Variants in HIBADH observed in about 807,000 individuals in gnomAD.
HIBADH encodes the protein 3-hydroxyisobutyrate dehydrogenase, mitochondrial.
In HIBADH, 25 loss-of-function variants were observed where a neutral mutation model predicts 36.1. That is an observed-to-expected ratio of 0.69 (90% CI 0.50 to 0.97). HIBADH has a LOEUF of 0.97. HIBADH is among the 50% of genes least tolerant of loss of function. The pLI is 0.00. For synonymous variants in HIBADH, 160 were observed against 149.5 expected (o/e 1.07, Z -0.51); for missense variants, 421 against 418.0 (o/e 1.01, Z -0.06).
chr7:27,632,580 C>CAA (rs143191859), intron 2 of HIBADH, 135 bp from the exon 3 acceptor site: 203 of 201,934 alleles, frequency 1.0e-3, no homozygotes, highest in South Asian at 1.1e-3. Flanking sequence ...TGCAAATGAC[C>CAA]AAAAAAAAAA....
At chr7:27,581,141 A>T (rs1221217882) in intron 4 of HIBADH, among the ~76,000 whole-genome samples, 2 of 152,204 alleles carry the variant, frequency 1.3e-5, no homozygotes, top group Non-Finnish European at 2.9e-5. Context: ...GGGAACTGTC[A>T]AGCAGCCCTA....
At chr7:27,540,419 A>G (rs1211395548) in intron 5 of HIBADH, among the ~76,000 whole-genome samples, 1 of 152,152 alleles carries the variant, frequency 6.6e-6, no homozygotes, top group African/African-American at 2.4e-5. Context: ...ATATCTTGAA[A>G]GCCTTCATAC....
chr7:27,573,764 G>C (rs1482193852), intron 4 of HIBADH, among the ~76,000 whole-genome samples: 1 of 152,150 alleles, frequency 6.6e-6, no homozygotes, highest in Non-Finnish European at 1.5e-5. Context: ...TTCACATTCA[G>C]ATGTGCTTTA....
At chr7:27,645,547 T>A (rs1388576380) in intron 2 of HIBADH, among the ~76,000 whole-genome samples, 1 of 151,560 alleles carries the variant, frequency 6.6e-6, no homozygotes, top group Non-Finnish European at 1.5e-5. Flanking sequence ...CTTGGCTAAT[T>A]TTTTTTGCAT....
At chr7:27,619,119 C>T (rs541586744) in intron 4 of HIBADH, among the ~76,000 whole-genome samples, 41 of 152,256 alleles carry the variant, frequency 2.7e-4, no homozygotes, top group Non-Finnish European at 3.8e-4. Context: ...ACCTGGCTTC[C>T]CAGTCCACAC....
chr7:27,652,859 C>A (rs532176217), intron 1 of HIBADH, among the ~76,000 whole-genome samples: 2 of 152,120 alleles, frequency 1.3e-5, no homozygotes, highest in Non-Finnish European at 2.9e-5. Flanking sequence ...CCAGGCGCAG[C>A]GGCTCACGCC....
chr7:27,629,292 A>T, intron 4 of HIBADH, 79 bp downstream of exon 4: 1 of 1,405,256 alleles, frequency 7.1e-7, no homozygotes, highest in East Asian at 2.4e-5. Flanking sequence ...CTACTACAAA[A>T]CCATATGGTA....
At chr7:27,541,687 G>A (rs1221219087) in intron 5 of HIBADH, 4 of 398,028 alleles carry the variant, frequency 1.0e-5, no homozygotes, top group East Asian at 1.9e-4. Flanking sequence ...CTTCTTAGGA[G>A]CACTTCCAGC....
At chr7:27,582,958 T>A (rs1475144959) in intron 4 of HIBADH, among the ~76,000 whole-genome samples, 1 of 152,094 alleles carries the variant, frequency 6.6e-6, no homozygotes, top group Non-Finnish European at 1.5e-5. Context: ...GAGGATTAAA[T>A]GAGATGATGT....
chr7:27,534,414 T>G (rs1784044173), intron 6 of HIBADH, among the ~76,000 whole-genome samples: 1 of 152,130 alleles, frequency 6.6e-6, no homozygotes, highest in Admixed American at 6.5e-5. Flanking sequence ...TATATCCAAG[T>G]GCTACACGTG....
At chr7:27,611,204 C>T (rs375893678) in intron 4 of HIBADH, among the ~76,000 whole-genome samples, 13 of 152,112 alleles carry the variant, frequency 8.5e-5, no homozygotes, top group African/African-American at 7.2e-5. Flanking sequence ...ATCAATGAGG[C>T]GTGCCAACAT....
chr7:27,583,719 A>C (rs1010972193), intron 4 of HIBADH, among the ~76,000 whole-genome samples: 8 of 152,090 alleles, frequency 5.3e-5, no homozygotes, highest in Admixed American at 3.9e-4. Flanking sequence ...GTGGTTCTTA[A>C]ACTTTTTGGT....
chr7:27,630,352 G>C lies in HIBADH; in HGVS notation c.363-860C>G, dbSNP rs183958121. ...GATGGGATCTCACCATGTTGTCCAG[G>C]CTGATCTTGAACTCCTGGGCTCAAC... On this transcript the variant is annotated intron_variant, in intron 3 of 7. Coordinates refer to ENST00000265395, the MANE Select transcript of HIBADH (RefSeq NM_152740.4). Among the ~76,000 whole-genome samples, 793 of 152,120 alleles carry C rather than the reference G, an allele frequency of 5.2e-3. 6 individuals are homozygous for C. Among genetic ancestry groups the C allele is most frequent in the Middle Eastern group, 0.017 (5 of 294 alleles).
intron 4 of HIBADH, among the ~76,000 whole-genome samples, chr7:27,581,769 T>TA (rs1784795558): frequency 6.6e-6 from 1 of 151,904 alleles, no homozygotes; most frequent in Non-Finnish European, 1.5e-5. Context: ...CTTCAGCACT[T>TA]AAAGACCACC....
chr7:27,588,910 C>A (rs1784902019), intron 4 of HIBADH, among the ~76,000 whole-genome samples: 1 of 152,132 alleles, frequency 6.6e-6, no homozygotes, highest in African/African-American at 2.4e-5. Context: ...TCATTTGTAA[C>A]CACTTTTTAA....
chr7:27,528,229 C>G (rs1783940586), intron 7 of HIBADH, among the ~76,000 whole-genome samples: 1 of 152,026 alleles, frequency 6.6e-6, no homozygotes, highest in Non-Finnish European at 1.5e-5. Context: ...TTCCCTGAGA[C>G]ACAAAATATT....
chr7:27,623,627 A>G (rs903283231), intron 4 of HIBADH, among the ~76,000 whole-genome samples: 1 of 152,234 alleles, frequency 6.6e-6, no homozygotes, highest in Non-Finnish European at 1.5e-5. Flanking sequence ...CGAGAAGAAC[A>G]TCAAGAAAGC....
rs952759711 is a variant in HIBADH at position 27,661,980 on chromosome 7, T to G, written c.91+718A>C. 3.9e-5 allele frequency among the ~76,000 whole-genome samples: 6 copies of G among 152,318 alleles called. No individual in the cohort carries two copies. The East Asian group carries it at 1.2e-3, about 29-fold the overall frequency. On this transcript the variant is annotated intron_variant, in intron 1 of 7. Coordinates refer to ENST00000265395, the MANE Select transcript of HIBADH (RefSeq NM_152740.4). ...GGATCTTCATCCTGGCTCTAAAAAC[T>G]GCCTCTTTGTAAGTTCATGGCTAGC... is the stretch of plus-strand genomic sequence containing the variant.
At position 27,531,388 on chromosome 7, in the gene HIBADH, T is replaced by C. The variant is rs761835175; in HGVS notation, c.696-40A>G. On this transcript the variant is annotated intron_variant, in intron 6 of 7. Coordinates refer to ENST00000265395, the MANE Select transcript of HIBADH (RefSeq NM_152740.4). ...AGAAAAGAAGTGTTAAGTGTCAAAA[T>C]GTACACGTCGTGCGTGACTTATTTA... The C allele has an allele frequency of 4.4e-6, 7 of 1,573,498 alleles. No homozygotes were observed. The South Asian group carries it at 8.1e-5, about 18-fold the overall frequency.
Sources: allele counts gnomAD v4.1 joint callset (sites outside exome capture counted in the v4.1 genomes callset), GRCh38; gene constraint gnomAD v4.1.1; transcripts MANE v1.5; gene names NCBI Gene and HGNC (gene_info 2026-07-23, HGNC 2026-07-21).